Variants in TMEM87B observed in about 807,000 individuals in gnomAD.
TMEM87B encodes the protein transmembrane protein 87B.
TMEM87B carries 83 observed loss-of-function variants against 80.3 expected under a neutral mutation model. That is an observed-to-expected ratio of 1.03 (90% confidence interval 0.87 to 1.24). The LOEUF (loss-of-function observed/expected upper bound fraction) is 1.24, where lower values mean the gene tolerates loss of function less well. Among genes scored for constraint, TMEM87B ranks in the 50% most tolerant of loss-of-function variants. The pLI, the probability that TMEM87B is intolerant of heterozygous loss-of-function variation, is 0.00. For missense variants in TMEM87B, 625 were observed against 674.4 expected, an observed-to-expected ratio of 0.93 and a Z score of 0.81; for synonymous variants, 219 against 230.5, an observed-to-expected ratio of 0.95 and a Z score of 0.45.
intron 1 of TMEM87B, among the ~76,000 whole-genome samples, chr2:112,057,707 A>G (rs1308570316): frequency 6.6e-6 from 1 of 152,212 alleles, no homozygotes; most frequent in Non-Finnish European, 1.5e-5. Context: ...CGTTCACACA[A>G]TAATACGGAT....
At chr2:112,081,769 C>T (rs1453435624) in intron 8 of TMEM87B, among the ~76,000 whole-genome samples, 1 of 152,130 alleles carries the variant, frequency 6.6e-6, no homozygotes, top group Non-Finnish European at 1.5e-5. Flanking sequence ...ATAAAAGTCC[C>T]GTTTCCTAAG....
chr2:112,076,457 A>T (rs1358578769), intron 5 of TMEM87B, among the ~76,000 whole-genome samples: 1 of 152,012 alleles, frequency 6.6e-6, no homozygotes, highest in African/African-American at 2.4e-5. Context: ...CTTCTGTCTC[A>T]GCCTCCTAAG....
chr2:112,081,480 A>G lies in TMEM87B; in HGVS notation c.800A>G (p.Tyr267Cys). ...GGAATGCTTGAAAAAGCAGTTTTTT[A>G]TAGTGAATACCAAAACATCAGCAAC... ...FLGMLEKAVFYSEYQNISNTG... is the reference protein window; with the variant it reads ...FLGMLEKAVFCSEYQNISNTG... The change falls in exon 8 of 19, where the codon TAT (tyrosine) becomes TGT (cysteine). Residue 267 changes from tyrosine to cysteine, a missense_variant. Tyr to Cys is a radical substitution (Grantham distance 194). Transcript: ENST00000283206. The G allele has an allele frequency of 1.9e-6, 3 of 1,612,824 alleles. No homozygotes were observed. Among genetic ancestry groups the G allele is most frequent in the South Asian group, 2.2e-5 (2 of 90,892 alleles).
chr2:112,062,365 A>G lies in TMEM87B; in HGVS notation c.227-1797A>G, dbSNP rs569602997. ...ATGTAATTCACCATATTAACAGAAT[A>G]TAAGAAATGAACCATATGATCATCT... On this transcript the variant is annotated intron_variant, in intron 2 of 18. Coordinates refer to ENST00000283206, the MANE Select transcript of TMEM87B (RefSeq NM_032824.3). Among the ~76,000 whole-genome samples the G allele has an allele frequency of 3.9e-5, 6 of 152,374 alleles. 1 individual carries two copies. The highest frequency in any genetic ancestry group is 9.6e-5 in the African/African-American group (4 of 41,590).
At chr2:112,059,049 A>T (rs1678166174) in intron 1 of TMEM87B, among the ~76,000 whole-genome samples, 1 of 152,098 alleles carries the variant, frequency 6.6e-6, no homozygotes, top group South Asian at 2.1e-4. Flanking sequence ...GGGTATTTGG[A>T]TCTGGAGCTC....
At chr2:112,102,709 A>AAT (rs1392095278) in intron 15 of TMEM87B, among the ~76,000 whole-genome samples, 1 of 151,956 alleles carries the variant, frequency 6.6e-6, no homozygotes, top group Admixed American at 6.6e-5. Context: ...TAAATAAATA[A>AAT]AAATAAAAAT....
At position 112,119,199 on chromosome 2, in the gene TMEM87B, T is replaced by G. The variant is rs1680097893; in HGVS notation, c.*3056T>G. 6.6e-6 allele frequency: 1 copy of G among 152,222 alleles called. No homozygotes were observed. Among genetic ancestry groups the G allele is most frequent in the African/African-American group, 2.4e-5 (1 of 41,476 alleles). The allele number at this position is 152,222 out of a possible 1,614,324, so 9.4% of individuals were successfully genotyped here. A position where few individuals can be genotyped will look rare whatever the true frequency, so the allele number is the denominator to read the frequency against. Reference sequence around the variant, plus strand: ...TAAAAAGTTAAATTATTCCGTAATTTGGAAGAAGTTTCGTTGAATGTAGGA... The same window carrying G: ...TAAAAAGTTAAATTATTCCGTAATTGGGAAGAAGTTTCGTTGAATGTAGGA... On this transcript the variant is annotated 3_prime_UTR_variant, in exon 19 of 19. Coordinates refer to ENST00000283206, the MANE Select transcript of TMEM87B (RefSeq NM_032824.3).
intron 2 of TMEM87B, 42 bp from the exon 3 acceptor site, chr2:112,064,120 A>G (rs374933771): frequency 5.3e-6 from 8 of 1,521,170 alleles, no homozygotes; most frequent in Non-Finnish European, 7.3e-6. Flanking sequence ...ATTAGAGTGT[A>G]TGTATTATTC....
intron 4 of TMEM87B, among the ~76,000 whole-genome samples, chr2:112,069,489 A>G (rs1410929163): frequency 6.6e-6 from 1 of 152,190 alleles, no homozygotes; most frequent in Non-Finnish European, 1.5e-5. Context: ...GTCCCTGCAA[A>G]GGACACGATC....
rs540102464 is a variant in TMEM87B at position 112,116,152 on chromosome 2, C to T, written c.*9C>T. 9.9e-6 allele frequency: 16 copies of T among 1,609,408 alleles called. No individual in the cohort carries two copies. The highest frequency in any genetic ancestry group is 1.6e-4 in the Middle Eastern group (1 of 6,066). ...CAGAAAAGATAATGTGATTGGAACC[C>T]GTATAAGAAATGTAGTTAAGCCTGA... is the stretch of plus-strand genomic sequence containing the variant. On this transcript the variant is annotated 3_prime_UTR_variant, in exon 19 of 19. Coordinates refer to ENST00000283206, the MANE Select transcript of TMEM87B (RefSeq NM_032824.3).
chr2:112,116,040 G>GTAGTATCA (rs1680014242), intron 18 of TMEM87B, 44 bp from the exon 19 acceptor site: 1 of 1,522,036 alleles, frequency 6.6e-7, no homozygotes, highest in African/African-American at 1.4e-5. Flanking sequence ...GGTTCTGGAA[G>GTAGTATCA]TAGTATCAAC....
rs769816060 is a variant in TMEM87B at position 112,077,288 on chromosome 2, G to C, written c.592+6G>C. The C allele has an allele frequency of 6.7e-7, 1 of 1,484,476 alleles. No homozygotes were observed. The highest frequency in any genetic ancestry group is 1.9e-5 in the Admixed American group (1 of 51,552). The allele number at this position is 1,484,476 out of a possible 1,614,324, so 92.0% of individuals were successfully genotyped here. ...TGCAAGCTGGAATTTGAATGGTATA[G>C]TTAAACTGCATGCATGTTTACTGTC... On this transcript the variant is annotated splice_donor_region_variant and intron_variant, in intron 6 of 18. Transcript: ENST00000283206.
At chr2:112,109,828 G>A (rs1385686149) in intron 17 of TMEM87B, among the ~76,000 whole-genome samples, 9 of 147,454 alleles carry the variant, frequency 6.1e-5, no homozygotes, top group East Asian at 2.0e-4. Flanking sequence ...GTGCAGTGGC[G>A]TAATCTCAGC....
At chr2:112,065,516 G>A (rs976059122) in intron 3 of TMEM87B, among the ~76,000 whole-genome samples, 1 of 151,970 alleles carries the variant, frequency 6.6e-6, no homozygotes, top group Non-Finnish European at 1.5e-5. Context: ...ACAGTGGCAT[G>A]TGCCTATAGT....
Position 112,084,997 on chromosome 2 carries a change from T to C in TMEM87B, c.839-1008T>C, listed in dbSNP as rs1157546481. ...TGCCATCAAAGCATAAAAGCAGCCA[T>C]AGACAACATGCAAACAAATGAGCAT... On this transcript the variant is annotated intron_variant, in intron 8 of 18. Coordinates refer to ENST00000283206, the MANE Select transcript of TMEM87B (RefSeq NM_032824.3). 1.1e-4 allele frequency among the ~76,000 whole-genome samples: 16 copies of C among 152,342 alleles called. No homozygotes were observed. The East Asian group carries it at 3.1e-3, about 29-fold the overall frequency.
chr2:112,066,952 ATAAACT>A lies in TMEM87B; in HGVS notation c.338_343del (p.Lys113_Leu114del). ...CTTATATAGGAGCTGTTCCAAAAAC[ATAAACT>A]TAGTGTTGATGAAGACTTTTGTCAT... On this transcript the variant is annotated inframe_deletion, in exon 4 of 19. Transcript: ENST00000283206. 1 of 1,606,140 alleles carries A rather than the reference ATAAACT, an allele frequency of 6.2e-7. No individual in the cohort carries two copies. The highest frequency in any genetic ancestry group is 1.1e-5 in the South Asian group (1 of 88,656).
chr2:112,056,298 C>A (rs776666519), intron 1 of TMEM87B, among the ~76,000 whole-genome samples: 9 of 151,962 alleles, frequency 5.9e-5, no homozygotes, highest in Non-Finnish European at 1.3e-4. Context: ...CTATTTCTCT[C>A]TTCTTGAGTT....
intron 5 of TMEM87B, 134 bp from the exon 6 acceptor site, chr2:112,077,058 G>T: frequency 4.6e-6 from 2 of 435,146 alleles, no homozygotes; most frequent in Non-Finnish European, 8.0e-6. Flanking sequence ...AAAAAAAAAG[G>T]AAAAAATTAA....
Position 112,091,781 on chromosome 2 carries a change from T to C in TMEM87B, c.1102T>C (p.Phe368Leu), listed in dbSNP as rs750171152. 4.0e-5 allele frequency: 64 copies of C among 1,605,588 alleles called. No homozygotes were observed. The highest frequency in any genetic ancestry group is 4.5e-5 in the Non-Finnish European group (53 of 1,173,214). ...AGTTATTGACTCCATTTTTGTGTGGTTCATATCCTTTACTGTGTCCTTCAA... is the reference window on the plus strand; with the variant it reads ...AGTTATTGACTCCATTTTTGTGTGGCTCATATCCTTTACTGTGTCCTTCAA... ...LAVIDSIFVW[F>L]IFISLAQTMK... Residue 368 changes from phenylalanine to leucine, a missense_variant and splice_region_variant, in exon 11 of 19, where the codon TTC (phenylalanine) becomes CTC (leucine). By Grantham distance (22) the Phe-to-Leu change is conservative. Transcript: ENST00000283206.
Sources: allele counts gnomAD v4.1 joint callset (sites outside exome capture counted in the v4.1 genomes callset), GRCh38; gene constraint gnomAD v4.1.1; transcripts MANE v1.5; gene names NCBI Gene and HGNC (gene_info 2026-07-23, HGNC 2026-07-21).